Variants in EPB41L5 observed in about 807,000 individuals in gnomAD.
The protein encoded by EPB41L5 is erythrocyte membrane protein band 4.1 like 5, also known as band 4.1-like protein 5.
Under a neutral mutation model 106.6 loss-of-function variants are expected in EPB41L5, and 55 were observed. The observed-to-expected ratio is 0.52, with a 90% CI of 0.42 to 0.65. The LOEUF is 0.65. Among genes scored for constraint, EPB41L5 ranks in the 30% least tolerant of loss-of-function variants. EPB41L5 has a pLI of 0.00. For synonymous variants in EPB41L5, 297 were observed against 306.7 expected (o/e 0.97, Z 0.33); for missense variants, 871 against 882.1 (o/e 0.99, Z 0.16).
chr2:120,165,166 G>A (rs1180689557), intron 22 of EPB41L5, among the ~76,000 whole-genome samples: 1 of 152,084 alleles, frequency 6.6e-6, no homozygotes, highest in Non-Finnish European at 1.5e-5. Context: ...AGAAAACATG[G>A]GGATAAAGCA....
chr2:120,134,818 A>T (rs1045728116), intron 18 of EPB41L5, among the ~76,000 whole-genome samples: 3 of 152,148 alleles, frequency 2.0e-5, no homozygotes, highest in African/African-American at 7.2e-5. Flanking sequence ...AATAACTACA[A>T]CGGCTTCTTA....
chr2:120,035,033 C>T (rs1045864975), intron 2 of EPB41L5, among the ~76,000 whole-genome samples: 3 of 152,028 alleles, frequency 2.0e-5, no homozygotes, highest in Non-Finnish European at 2.9e-5. Context: ...ATTATTTAAA[C>T]GCACATACAC....
chr2:120,104,525 G>A, intron 16 of EPB41L5: 2 of 1,051,276 alleles, frequency 1.9e-6, no homozygotes, highest in South Asian at 8.4e-5. Flanking sequence ...CACATCACCA[G>A]ACTGTATCTC....
intron 16 of EPB41L5, among the ~76,000 whole-genome samples, chr2:120,109,509 G>C (rs1003508848): frequency 2.0e-4 from 30 of 152,126 alleles, no homozygotes; most frequent in African/African-American, 7.0e-4. Context: ...TTGGGAATTT[G>C]TTCCTTGCTT....
chr2:120,094,441 TC>T (rs1311771849), intron 14 of EPB41L5, among the ~76,000 whole-genome samples: 3 of 150,868 alleles, frequency 2.0e-5, no homozygotes, highest in African/African-American at 2.4e-5. Flanking sequence ...ATCTCCTCCT[TC>T]CTTTCTGATT....
At chr2:120,023,726 G>A (rs553291805) in intron 2 of EPB41L5, among the ~76,000 whole-genome samples, 21 of 152,164 alleles carry the variant, frequency 1.4e-4, no homozygotes, top group African/African-American at 4.8e-4. Context: ...AAGAAAGTCA[G>A]TGGTAGCTTG....
chr2:120,154,336 TG>T (rs1195214487), intron 20 of EPB41L5, among the ~76,000 whole-genome samples: 2 of 151,590 alleles, frequency 1.3e-5, no homozygotes, highest in African/African-American at 4.8e-5. Flanking sequence ...TTTTTTTTTT[TG>T]TATTTTTAGT....
chr2:120,020,774 G>C (rs1677864697), intron 2 of EPB41L5, among the ~76,000 whole-genome samples: 1 of 151,700 alleles, frequency 6.6e-6, no homozygotes, highest in Non-Finnish European at 1.5e-5. Flanking sequence ...GAAGTTTCAG[G>C]GTTGTTGATG....
intron 3 of EPB41L5, among the ~76,000 whole-genome samples, chr2:120,056,148 T>G (rs1680633105): frequency 6.6e-6 from 1 of 152,132 alleles, no homozygotes; most frequent in Non-Finnish European, 1.5e-5. Flanking sequence ...TGAAAGGTCG[T>G]TGGGTTTTGT....
Position 120,050,215 on chromosome 2 carries a change from C to T in EPB41L5, c.285+8105C>T, listed in dbSNP as rs189981325. 3.1e-3 allele frequency among the ~76,000 whole-genome samples: 466 copies of T among 152,218 alleles called. 4 individuals are homozygous for T. Among genetic ancestry groups the T allele is most frequent in the Middle Eastern group, 0.024 (7 of 294 alleles). On this transcript the variant is annotated intron_variant, in intron 3 of 24. Transcript: ENST00000263713. ...CCTGAATTTGAATGTTGGCCTGCCT[C>T]GCTAGGTTGGGGAAGTTCTCCTGGA...
chr2:120,071,221 C>G (rs1388409569), intron 3 of EPB41L5, among the ~76,000 whole-genome samples: 6 of 152,102 alleles, frequency 3.9e-5, no homozygotes, highest in Non-Finnish European at 8.8e-5. Flanking sequence ...GAGTGAACTC[C>G]CATTCACAAT....
intron 2 of EPB41L5, among the ~76,000 whole-genome samples, chr2:120,035,420 T>C (rs1262479558): frequency 2.0e-5 from 3 of 152,198 alleles, no homozygotes; most frequent in Non-Finnish European, 4.4e-5. Context: ...TAATTGAATA[T>C]GAGCTTCTTG....
At chr2:120,048,590 A>T (rs1288683574) in intron 3 of EPB41L5, among the ~76,000 whole-genome samples, 5 of 150,270 alleles carry the variant, frequency 3.3e-5, no homozygotes, top group Admixed American at 6.6e-5. Context: ...TTGATCTTTT[A>T]AAAAAAAACA....
At chr2:120,054,375 C>CA (rs1680491018) in intron 3 of EPB41L5, among the ~76,000 whole-genome samples, 1 of 152,178 alleles carries the variant, frequency 6.6e-6, no homozygotes, top group Non-Finnish European at 1.5e-5. Context: ...TGTCCTTTGA[C>CA]AAAAGTTTTA....
intron 24 of EPB41L5, among the ~76,000 whole-genome samples, chr2:120,174,068 CCTCATGCAGAGCCCAT>C (rs1687822555): frequency 6.6e-6 from 1 of 152,180 alleles, no homozygotes; most frequent in Non-Finnish European, 1.5e-5. Context: ...ATTCACGAGC[CCTCATGCAGAGCCCAT>C]GAGGGCTTCT....
intron 1 of EPB41L5, among the ~76,000 whole-genome samples, chr2:120,014,197 A>T (rs890756951): frequency 3.3e-5 from 5 of 152,250 alleles, no homozygotes; most frequent in Admixed American, 1.3e-4. Flanking sequence ...CCAGTCATGT[A>T]AGAGTATACA....
chr2:120,158,377 C>T (rs1376055651), intron 20 of EPB41L5, among the ~76,000 whole-genome samples: 2 of 152,094 alleles, frequency 1.3e-5, no homozygotes, highest in African/African-American at 4.8e-5. Flanking sequence ...AATCCAGCAG[C>T]ACATCAGTCC....
intron 2 of EPB41L5, among the ~76,000 whole-genome samples, chr2:120,040,891 A>G (rs371037115): frequency 2.0e-5 from 3 of 152,128 alleles, no homozygotes; most frequent in Admixed American, 6.5e-5. Flanking sequence ...TAAACCAACT[A>G]TATGTTCATT....
At chr2:120,120,806 T>C (rs1157449121) in intron 16 of EPB41L5, among the ~76,000 whole-genome samples, 2 of 152,160 alleles carry the variant, frequency 1.3e-5, no homozygotes, top group Non-Finnish European at 2.9e-5. Context: ...TTTTTCTTCT[T>C]ATTGCTTCTT....
Sources: allele counts gnomAD v4.1 joint callset (sites outside exome capture counted in the v4.1 genomes callset), GRCh38; gene constraint gnomAD v4.1.1; transcripts MANE v1.5; gene names NCBI Gene and HGNC (gene_info 2026-07-23, HGNC 2026-07-21).